PDGFC: variants seen among roughly 807,000 people sequenced by gnomAD.
The protein encoded by PDGFC is platelet derived growth factor C.
PDGFC carries 12 observed loss-of-function variants against 35.5 expected under a neutral mutation model. The ratio of observed to expected loss-of-function variants is 0.34; its 90% CI spans 0.22 to 0.55. The LOEUF is 0.55. Ranked by LOEUF, PDGFC falls within the 20% of genes least tolerant of loss-of-function variation. The probability of loss-of-function intolerance (pLI) is 0.91; values close to 1 mark genes in which losing one functional copy is unlikely to be tolerated. For synonymous variants in PDGFC, 159 were observed against 148.8 expected, an observed-to-expected ratio of 1.07 and a Z score of -0.50; for missense variants, 322 against 412.4, an observed-to-expected ratio of 0.78 and a Z score of 1.90.
intron 1 of PDGFC, among the ~76,000 whole-genome samples, chr4:156,929,020 T>C (rs1731485910): frequency 1.3e-5 from 2 of 152,204 alleles, no homozygotes; most frequent in South Asian, 2.1e-4. Context: ...AAGGAATACT[T>C]AGAAACAATC....
chr4:156,820,595 C>A (rs1732223159), intron 2 of PDGFC, among the ~76,000 whole-genome samples: 1 of 152,162 alleles, frequency 6.6e-6, no homozygotes. Flanking sequence ...TGCTTTATTG[C>A]AGTGATCTGG....
chr4:156,833,669 A>G (rs1213794733), intron 2 of PDGFC, among the ~76,000 whole-genome samples: 1 of 152,254 alleles, frequency 6.6e-6, no homozygotes, highest in Admixed American at 6.5e-5. Context: ...TTAACAGCTA[A>G]TAGAAAAAGT....
At chr4:156,795,625 G>T (rs1731420084) in intron 3 of PDGFC, among the ~76,000 whole-genome samples, 1 of 152,144 alleles carries the variant, frequency 6.6e-6, no homozygotes, top group African/African-American at 2.4e-5. Flanking sequence ...ATATGTTCAT[G>T]AGCAGACTTC....
intron 1 of PDGFC, among the ~76,000 whole-genome samples, chr4:156,902,587 A>G (rs1345514428): frequency 6.6e-6 from 1 of 152,236 alleles, no homozygotes; most frequent in African/African-American, 2.4e-5. Context: ...CTTTTTAATA[A>G]CTTTAATATT....
At chr4:156,932,214 T>A (rs375080329) in intron 1 of PDGFC, among the ~76,000 whole-genome samples, 1 of 152,196 alleles carries the variant, frequency 6.6e-6, no homozygotes, top group Non-Finnish European at 1.5e-5. Flanking sequence ...TGAGTTTACC[T>A]TTCAGCAATC....
At chr4:156,959,955 C>G (rs1474339384) in intron 1 of PDGFC, among the ~76,000 whole-genome samples, 1 of 151,954 alleles carries the variant, frequency 6.6e-6, no homozygotes. Context: ...GAAGCAAAAA[C>G]TTCTTTAAAA....
At chr4:156,945,500 T>C (rs1335025614) in intron 1 of PDGFC, among the ~76,000 whole-genome samples, 1 of 151,082 alleles carries the variant, frequency 6.6e-6, no homozygotes. Context: ...ATATAGCTCC[T>C]ATTTATAGAT....
At chr4:156,959,370 A>C (rs1340680286) in intron 1 of PDGFC, among the ~76,000 whole-genome samples, 1 of 151,998 alleles carries the variant, frequency 6.6e-6, no homozygotes. Context: ...TCTATCACTT[A>C]AACATCTAGT....
At chr4:156,863,886 T>C (rs942303391) in intron 1 of PDGFC, among the ~76,000 whole-genome samples, 1 of 152,140 alleles carries the variant, frequency 6.6e-6, no homozygotes, top group Non-Finnish European at 1.5e-5. Flanking sequence ...ATGAATTCAA[T>C]TTTCACACAT....
intron 1 of PDGFC, among the ~76,000 whole-genome samples, chr4:156,867,564 G>C (rs549818860): frequency 2.0e-5 from 3 of 152,318 alleles, no homozygotes; most frequent in South Asian, 4.1e-4. Context: ...GTCAATTCAA[G>C]AGTATTCATG....
intron 1 of PDGFC, among the ~76,000 whole-genome samples, chr4:156,956,004 C>T (rs1732200232): frequency 6.6e-6 from 1 of 151,956 alleles, no homozygotes; most frequent in Non-Finnish European, 1.5e-5. Context: ...GTAGAACATC[C>T]CTGAGTCCTT....
intron 1 of PDGFC, among the ~76,000 whole-genome samples, chr4:156,963,586 G>T (rs1161360783): frequency 1.3e-5 from 2 of 152,108 alleles, no homozygotes; most frequent in Non-Finnish European, 2.9e-5. Context: ...ATTTAGTGAA[G>T]CCAGCCTGGC....
intron 1 of PDGFC, among the ~76,000 whole-genome samples, chr4:156,877,544 A>G (rs953179487): frequency 2.0e-5 from 3 of 152,310 alleles, no homozygotes; most frequent in Non-Finnish European, 4.4e-5. Flanking sequence ...AAAAAATGTT[A>G]GTATATTAAA....
chr4:156,856,516 T>G (rs1467411692), intron 1 of PDGFC, among the ~76,000 whole-genome samples: 7 of 152,108 alleles, frequency 4.6e-5, no homozygotes, highest in African/African-American at 1.7e-4. Flanking sequence ...AATAGCTGAT[T>G]CCTGGTGTAC....
intron 1 of PDGFC, among the ~76,000 whole-genome samples, chr4:156,903,909 T>C (rs1388603190): frequency 6.6e-6 from 1 of 152,178 alleles, no homozygotes; most frequent in Non-Finnish European, 1.5e-5. Context: ...ATGATAGAGC[T>C]GTACTGGCCT....
At chr4:156,842,660 C>T (rs1006589386) in intron 2 of PDGFC, among the ~76,000 whole-genome samples, 1 of 152,120 alleles carries the variant, frequency 6.6e-6, no homozygotes, top group Non-Finnish European at 1.5e-5. Context: ...ACAATTTGAT[C>T]CTCTCTACCA....
At chr4:156,952,016 T>C (rs903034334) in intron 1 of PDGFC, among the ~76,000 whole-genome samples, 1 of 151,984 alleles carries the variant, frequency 6.6e-6, no homozygotes, top group East Asian at 1.9e-4. Context: ...ATTAGCTTAT[T>C]TGGGATATAA....
chr4:156,938,452 A>G (rs1470840219), intron 1 of PDGFC, among the ~76,000 whole-genome samples: 2 of 152,176 alleles, frequency 1.3e-5, no homozygotes, highest in African/African-American at 2.4e-5. Flanking sequence ...AAAACTTTAT[A>G]CATTTTCTTG....
intron 2 of PDGFC, among the ~76,000 whole-genome samples, chr4:156,842,521 C>T (rs1729230290): frequency 6.6e-6 from 1 of 152,128 alleles, no homozygotes; most frequent in African/African-American, 2.4e-5. Context: ...ACATACTCTG[C>T]ATGCTTCTAT....
Sources: allele counts gnomAD v4.1 joint callset (sites outside exome capture counted in the v4.1 genomes callset), GRCh38; gene constraint gnomAD v4.1.1; transcripts MANE v1.5; gene names NCBI Gene and HGNC (gene_info 2026-07-23, HGNC 2026-07-21).